The following CDKL5 variants were observed in gnomAD, a reference collection of about 807,000 sequenced individuals.
CDKL5 encodes the protein cyclin-dependent kinase-like 5.
CDKL5 carries 8 observed loss-of-function variants against 61.7 expected under a neutral mutation model. That is an observed-to-expected ratio of 0.13 (90% CI 0.08 to 0.23). The LOEUF (loss-of-function observed/expected upper bound fraction) is 0.23. Among genes scored for constraint, CDKL5 ranks in the 10% least tolerant of loss-of-function variants. The pLI is 1.00. For synonymous variants in CDKL5, 275 were observed against 272.3 expected (o/e 1.01, Z -0.10); for missense variants, 440 against 734.5 (o/e 0.60, Z 4.63).
chrX:18,618,022 A>T (rs889106332), intron 15 of CDKL5, among the ~76,000 whole-genome samples: 4 of 111,896 alleles, frequency 3.6e-5, no homozygotes, highest in Non-Finnish European at 7.5e-5. Context: ...TCCTGCATAG[A>T]TTCTCCTCTT....
At chrX:18,621,597 G>A (rs1926891364) in intron 16 of CDKL5, among the ~76,000 whole-genome samples, 1 of 110,633 alleles carries the variant, frequency 9.0e-6, no homozygotes, top group Non-Finnish European at 1.9e-5. Flanking sequence ...CTTTTAGTAC[G>A]ATTTTGTATT....
intron 1 of CDKL5, among the ~76,000 whole-genome samples, chrX:18,444,486 A>G (rs1444475739): frequency 9.0e-6 from 1 of 111,721 alleles, no homozygotes. Flanking sequence ...ACAAACATAT[A>G]TATACATGTT....
intron 3 of CDKL5, among the ~76,000 whole-genome samples, chrX:18,558,309 A>T (rs1924675011): frequency 8.9e-6 from 1 of 112,037 alleles, no homozygotes; most frequent in African/African-American, 3.2e-5. Flanking sequence ...AGCTGGTGAC[A>T]TTCTGTTGCA....
chrX:18,532,183 C>G (rs1005383648), intron 3 of CDKL5, among the ~76,000 whole-genome samples: 3 of 112,010 alleles, frequency 2.7e-5, no homozygotes, highest in African/African-American at 9.7e-5. Flanking sequence ...GCTGAAATGA[C>G]TCATTCCCAG....
chrX:18,517,823 T>C (rs1923075621), intron 3 of CDKL5, among the ~76,000 whole-genome samples: 1 of 111,701 alleles, frequency 9.0e-6, no homozygotes, highest in African/African-American at 3.3e-5. Context: ...CTGGCCAACA[T>C]GGTGAAACCC....
At chrX:18,603,116 A>G (rs1440979490) in intron 11 of CDKL5, among the ~76,000 whole-genome samples, 1 of 112,050 alleles carries the variant, frequency 8.9e-6, no homozygotes, top group Non-Finnish European at 1.9e-5. Context: ...TCGGTCTAGG[A>G]TAATGAAATG....
At chrX:18,492,657 T>C (rs1922034381) in intron 1 of CDKL5, among the ~76,000 whole-genome samples, 2 of 111,464 alleles carry the variant, frequency 1.8e-5, no homozygotes, top group South Asian at 7.7e-4. Flanking sequence ...CTCAGTGGTA[T>C]TGACTTCCTC....
intron 4 of CDKL5, among the ~76,000 whole-genome samples, chrX:18,566,786 G>A (rs986715026): frequency 1.8e-5 from 2 of 111,724 alleles, no homozygotes; most frequent in African/African-American, 6.5e-5. Context: ...GTGGTATTGG[G>A]AGTTCATGAA....
Position 18,575,346 on chromosome X carries a change from C to T in CDKL5, c.146-8C>T, listed in dbSNP as rs1376210446. On this transcript the variant is annotated splice_region_variant and splice_polypyrimidine_tract_variant and intron_variant, in intron 4 of 17. Coordinates refer to ENST00000623535, the MANE Select transcript of CDKL5 (RefSeq NM_001323289.2). ...ATTTTAGTCTCTTCACCATTGTTTACATTCTAGAAAATGAAGAAGTCAAAG... is the reference window on the plus strand; with the variant it reads ...ATTTTAGTCTCTTCACCATTGTTTATATTCTAGAAAATGAAGAAGTCAAAG... The T allele has an allele frequency of 1.7e-6, 2 of 1,194,504 alleles. No individual in the cohort carries two copies. The highest frequency in any genetic ancestry group is 3.5e-5 in the African/African-American group (2 of 56,799).
chrX:18,462,899 C>T (rs1196660676), intron 1 of CDKL5, among the ~76,000 whole-genome samples: 1 of 110,451 alleles, frequency 9.1e-6, no homozygotes, highest in Non-Finnish European at 1.9e-5. Flanking sequence ...TGGTGTGCGC[C>T]TGTAATCCCA....
At chrX:18,646,591 C>T (rs957875682) in intron 20 of CDKL5, among the ~76,000 whole-genome samples, 12 of 112,210 alleles carry the variant, frequency 1.1e-4, no homozygotes, top group Admixed American at 7.5e-4. Context: ...CCCTACAGTA[C>T]GGACCACAGT....
rs375267700 is a variant in CDKL5 at position 18,504,728 on chromosome X, G to A, written c.-162-2207G>A. Among the ~76,000 whole-genome samples the A allele has an allele frequency of 3.4e-3, 371 of 110,090 alleles. 1 individual carries two copies. The highest frequency in any genetic ancestry group is 0.012 in the African/African-American group (357 of 30,265). ...GGGCGGATCACGAGGTCAGGAGAGC[G>A]AGACCATCCTGGCTAACACGGTGAA... On this transcript the variant is annotated intron_variant, in intron 1 of 17. Transcript: ENST00000623535.
At chrX:18,520,947 C>T (rs1247564769) in intron 3 of CDKL5, among the ~76,000 whole-genome samples, 1 of 112,284 alleles carries the variant, frequency 8.9e-6, no homozygotes, top group African/African-American at 3.2e-5. Flanking sequence ...CCATGTTGGC[C>T]AGGCTGGTCT....
intron 1 of CDKL5, among the ~76,000 whole-genome samples, chrX:18,456,609 T>C (rs1341646776): frequency 8.9e-6 from 1 of 111,827 alleles, no homozygotes; most frequent in Admixed American, 9.5e-5. Context: ...AATTCAAGCC[T>C]GAAGGAATTT....
chrX:18,489,194 CT>C lies in CDKL5; in HGVS notation c.-162-17740del, dbSNP rs773125439. Among the ~76,000 whole-genome samples, 49 of 110,920 alleles carry C rather than the reference CT, an allele frequency of 4.4e-4. No homozygotes were observed. In the South Asian group the frequency reaches 0.019, roughly 42 times the overall value. On this transcript the variant is annotated intron_variant, in intron 1 of 17. Coordinates refer to ENST00000623535, the MANE Select transcript of CDKL5 (RefSeq NM_001323289.2). ...AATGCAGTGGCATGATCTTGGCTCA[CT>C]GCAACCTCCGCCTCCCAGGTTCAAG...
intron 14 of CDKL5, among the ~76,000 whole-genome samples, chrX:18,610,040 A>G (rs973755610): frequency 2.7e-5 from 3 of 111,719 alleles, no homozygotes; most frequent in Admixed American, 9.5e-5. Flanking sequence ...ACAAGGGGGG[A>G]AAAAATAGAG....
chrX:18,496,153 G>A (rs771972810), intron 1 of CDKL5, among the ~76,000 whole-genome samples: 2 of 112,323 alleles, frequency 1.8e-5, no homozygotes, highest in Admixed American at 1.9e-4. Flanking sequence ...ACCATGGTCT[G>A]GGGAACAGTC....
At chrX:18,537,234 A>G (rs1010348342) in intron 3 of CDKL5, among the ~76,000 whole-genome samples, 8 of 111,835 alleles carry the variant, frequency 7.2e-5, no homozygotes, top group Admixed American at 1.9e-4. Flanking sequence ...GTGTGTGCCT[A>G]TTGGATACTA....
At chrX:18,595,023 A>T (rs1925945320) in intron 9 of CDKL5, among the ~76,000 whole-genome samples, 1 of 111,626 alleles carries the variant, frequency 9.0e-6, no homozygotes. Flanking sequence ...TCTACTAAAA[A>T]TACAAAAAAT....
Sources: gnomAD v4.1 joint callset for allele counts (sites outside exome capture counted in the v4.1 genomes callset) on GRCh38, gnomAD v4.1.1 for gene constraint, MANE v1.5 for transcripts, NCBI Gene and HGNC (gene_info 2026-07-23, HGNC 2026-07-21) for gene names.